Variants in NR5A2 observed in about 807,000 individuals in gnomAD.
NR5A2 encodes CYP7A promoter-binding factor.
A neutral mutation model predicts 62.7 loss-of-function variants in NR5A2; 26 were observed. The ratio of observed to expected loss-of-function variants is 0.41; its 90% CI spans 0.30 to 0.58. NR5A2 has a LOEUF of 0.58. Among genes scored for constraint, NR5A2 ranks in the 20% least tolerant of loss-of-function variants. The pLI is 0.22. For missense variants in NR5A2, 541 were observed against 669.1 expected (o/e 0.81, Z 2.11); for synonymous variants, 246 against 241.7 (o/e 1.02, Z -0.16).
chr1:200,052,907 T>A (rs1662720579), intron 5 of NR5A2, among the ~76,000 whole-genome samples: 1 of 152,214 alleles, frequency 6.6e-6, no homozygotes, highest in African/African-American at 2.4e-5. Flanking sequence ...CCCAAAGTTC[T>A]GGGATTATAG....
At chr1:200,118,750 G>A (rs1229160410) in intron 6 of NR5A2, among the ~76,000 whole-genome samples, 1 of 152,242 alleles carries the variant, frequency 6.6e-6, no homozygotes, top group East Asian at 1.9e-4. Flanking sequence ...GACTTTCCTT[G>A]AAGTAGAAAG....
chr1:200,098,465 T>A (rs982457754), intron 5 of NR5A2, among the ~76,000 whole-genome samples: 2 of 152,194 alleles, frequency 1.3e-5, no homozygotes, highest in African/African-American at 2.4e-5. Flanking sequence ...TATTATATTT[T>A]AAAAAAATAA....
At chr1:200,082,126 C>G (rs1404094871) in intron 5 of NR5A2, among the ~76,000 whole-genome samples, 1 of 152,134 alleles carries the variant, frequency 6.6e-6, no homozygotes, top group African/African-American at 2.4e-5. Flanking sequence ...AGACAGCATT[C>G]TCATTGGAGG....
At chr1:200,075,902 T>C (rs1664010725) in intron 5 of NR5A2, among the ~76,000 whole-genome samples, 1 of 152,228 alleles carries the variant, frequency 6.6e-6, no homozygotes, top group South Asian at 2.1e-4. Context: ...TTTTCTTTTT[T>C]TTTTGTTAAG....
rs1402851602 is a variant in NR5A2 at position 200,176,080 on chromosome 1, T to G, written c.*1870T>G. On this transcript the variant is annotated 3_prime_UTR_variant, in exon 8 of 8. Coordinates refer to ENST00000367362, the MANE Select transcript of NR5A2 (RefSeq NM_205860.3). ...TTAGTTCAGGGACATAGAAGAGTCT[T>G]AATGAATTAAAATCATTCACTTGAT... The G allele has an allele frequency of 6.6e-6, 1 of 152,662 alleles. No individual in the cohort carries two copies. The highest frequency in any genetic ancestry group is 1.5e-5 in the Non-Finnish European group (1 of 68,044). 9.5% of individuals were successfully genotyped at this position (152,662 alleles called of 1,614,324 possible).
intron 1 of NR5A2, among the ~76,000 whole-genome samples, chr1:200,038,263 AT>A (rs1661874276): frequency 6.6e-6 from 1 of 152,356 alleles, no homozygotes; most frequent in Non-Finnish European, 1.5e-5. Flanking sequence ...GCCTGGACTG[AT>A]CCTTGTATTC....
chr1:200,085,981 C>T (rs1161763961), intron 5 of NR5A2, among the ~76,000 whole-genome samples: 4 of 152,056 alleles, frequency 2.6e-5, no homozygotes, highest in Admixed American at 6.6e-5. Context: ...ATTTTCTTTG[C>T]GCCTAATGTA....
At chr1:200,115,884 TGCTTAAAATC>T (rs1666195560) in intron 6 of NR5A2, among the ~76,000 whole-genome samples, 1 of 151,848 alleles carries the variant, frequency 6.6e-6, no homozygotes, top group Non-Finnish European at 1.5e-5. Flanking sequence ...AAAACACCAT[TGCTTAAAATC>T]CTTCTAGGTC....
At position 200,039,296 on chromosome 1, in the gene NR5A2, C is replaced by T. The variant is rs1378165110; in HGVS notation, c.65-362C>T. 6.6e-6 allele frequency among the ~76,000 whole-genome samples: 1 copy of T among 152,104 alleles called. No homozygotes were observed. The highest frequency in any genetic ancestry group is 6.5e-5 in the Admixed American group (1 of 15,278). ...AGCCGTCCGGGAGCAGTGGCAGCGG[C>T]ACAGCCGGGGCGGCAATAGCAGCCC... On this transcript the variant is annotated intron_variant, in intron 1 of 7. Transcript: ENST00000367362. The surrounding 1 kb of genome is among the most constrained non-coding windows in gnomAD (Gnocchi z 5.1).
chr1:200,171,065 C>T (rs1175315124), intron 7 of NR5A2, among the ~76,000 whole-genome samples: 1 of 152,084 alleles, frequency 6.6e-6, no homozygotes, highest in Admixed American at 6.5e-5. Context: ...GGGAAACAGA[C>T]AGTTAAATAG....
chr1:200,142,819 ATT>A (rs932421380), intron 7 of NR5A2, among the ~76,000 whole-genome samples: 1 of 151,738 alleles, frequency 6.6e-6, no homozygotes, highest in Non-Finnish European at 1.5e-5. Flanking sequence ...ATTTATTAAG[ATT>A]TTTTTCTTCT....
intron 5 of NR5A2, among the ~76,000 whole-genome samples, chr1:200,092,937 G>A (rs1664888902): frequency 7.5e-6 from 1 of 132,592 alleles, no homozygotes; most frequent in African/African-American, 2.9e-5. Flanking sequence ...AGGCTGGAGT[G>A]CAGTGGCACA....
intron 7 of NR5A2, among the ~76,000 whole-genome samples, chr1:200,134,851 G>A (rs1384983073): frequency 6.6e-6 from 1 of 152,110 alleles, no homozygotes; most frequent in Non-Finnish European, 1.5e-5. Flanking sequence ...GTGGCATTAA[G>A]TCCACACACA....
chr1:200,074,504 G>A (rs933499449), intron 5 of NR5A2, among the ~76,000 whole-genome samples: 1 of 151,716 alleles, frequency 6.6e-6, no homozygotes, highest in Non-Finnish European at 1.5e-5. Flanking sequence ...TTGGGAGGCC[G>A]AGGCGGGCAG....
intron 5 of NR5A2, among the ~76,000 whole-genome samples, chr1:200,050,869 G>T (rs1662597528): frequency 6.6e-6 from 1 of 152,206 alleles, no homozygotes; most frequent in Admixed American, 6.5e-5. Flanking sequence ...TCGAGCCTGG[G>T]TGACAAGAGC....
chr1:200,029,454 A>T (rs1661472558), intron 1 of NR5A2: 1 of 153,840 alleles, frequency 6.5e-6, no homozygotes, highest in African/African-American at 2.4e-5. Context: ...GTTTCCAGCT[A>T]CCGCACGCGC....
intron 5 of NR5A2, among the ~76,000 whole-genome samples, chr1:200,093,051 T>TTTTTGTA (rs1277338832): frequency 1.3e-5 from 2 of 151,728 alleles, no homozygotes; most frequent in African/African-American, 4.8e-5. Flanking sequence ...ACCCAGCTAA[T>TTTTTGTA]TTTTGTATTT....
chr1:200,055,103 C>T (rs980125910), intron 5 of NR5A2, among the ~76,000 whole-genome samples: 3 of 152,046 alleles, frequency 2.0e-5, no homozygotes, highest in African/African-American at 4.8e-5. Flanking sequence ...CGACGTTGCC[C>T]AGGCTGGTCT....
At position 200,043,795 on chromosome 1, in the gene NR5A2, A is replaced by C. The variant is rs1250865105; in HGVS notation, c.224A>C (p.Asn75Thr). The C allele has an allele frequency of 5.0e-6, 8 of 1,612,272 alleles. No homozygotes were observed. The highest frequency in any genetic ancestry group is 6.8e-6 in the Non-Finnish European group (8 of 1,178,606). The change falls in exon 3 of 8, where the codon AAT (asparagine) becomes ACT (threonine). Residue 75 changes from asparagine to threonine, a missense_variant. Physicochemically the swap from Asn to Thr is moderately conservative, Grantham distance 65 (BLOSUM62 0). Transcript: ENST00000367362. The part of the protein sequence containing the change: ...NMQVSQFKMV[N>T]YSYDEDLEEL... ...TCAGTGTCTCAATTTAAAATGGTGA[A>C]TTACTCCTATGATGAAGATCTGGAA...
Sources: allele counts gnomAD v4.1 joint callset (sites outside exome capture counted in the v4.1 genomes callset), GRCh38; gene constraint gnomAD v4.1.1; non-coding constraint Gnocchi (gnomAD v3.1); transcripts MANE v1.5; gene names NCBI Gene and HGNC (gene_info 2026-07-23, HGNC 2026-07-21).